CXCL13: variants seen among roughly 807,000 people sequenced by gnomAD.
The protein encoded by CXCL13 is C-X-C motif chemokine ligand 13.
CXCL13 carries 7 observed loss-of-function variants against 12.2 expected under a neutral mutation model. The observed-to-expected ratio is 0.57, with a 90% CI of 0.33 to 1.07. The LOEUF (loss-of-function observed/expected upper bound fraction) is 1.07, where lower values mean the gene tolerates loss of function less well. Among genes scored for constraint, CXCL13 ranks in the 50% least tolerant of loss-of-function variants. The probability of loss-of-function intolerance (pLI) is 0.04; values close to 1 mark genes in which losing one functional copy is unlikely to be tolerated. For missense variants in CXCL13, 113 were observed against 127.4 expected, an observed-to-expected ratio of 0.89 and a Z score of 0.55; for synonymous variants, 47 against 42.4, an observed-to-expected ratio of 1.11 and a Z score of -0.42.
At chr4:77,606,021 C>A in intron 1 of CXCL13, 92 bp downstream of exon 1, 1 of 833,186 alleles carries the variant, frequency 1.2e-6, no homozygotes, top group South Asian at 2.4e-5. Context: ...GCAGGGAAGT[C>A]TGACTAAAGG....
intron 1 of CXCL13, among the ~76,000 whole-genome samples, chr4:77,572,884 C>T (rs1303346130): frequency 6.6e-6 from 1 of 151,382 alleles, no homozygotes; most frequent in East Asian, 1.9e-4. Flanking sequence ...TAAATATACA[C>T]CATGGAATAC....
At chr4:77,580,308 CTT>C (rs1015001550) in intron 1 of CXCL13, among the ~76,000 whole-genome samples, 43 of 17,622 alleles carry the variant, frequency 2.4e-3, no homozygotes, top group African/African-American at 4.0e-3. Flanking sequence ...AGTTTTCTTT[CTT>C]TTTTTTTTTT....
At chr4:77,610,537 C>A (rs1727120352) in intron 2 of CXCL13, 77 bp from the exon 3 acceptor site, 3 of 1,172,660 alleles carry the variant, frequency 2.6e-6, no homozygotes, top group Admixed American at 1.9e-5. Flanking sequence ...ATTTTCATAC[C>A]AAACTCTTTT....
At chr4:77,543,128 A>G (rs377054344) in intron 1 of CXCL13, among the ~76,000 whole-genome samples, 1 of 152,140 alleles carries the variant, frequency 6.6e-6, no homozygotes, top group African/African-American at 2.4e-5. Flanking sequence ...CATTTCTTCC[A>G]TATTTTCTAG....
chr4:77,611,061 C>T lies in CXCL13; in HGVS notation c.*22C>T, dbSNP rs1481325846. ...CTGATGCTGATATTTCCACTAAGAA[C>T]ACCTGCATTCTTCCCTTATCCCTGC... On this transcript the variant is annotated 3_prime_UTR_variant, in exon 4 of 4. Transcript: ENST00000682537. 6.3e-7 allele frequency: 1 copy of T among 1,586,518 alleles called. No homozygotes were observed. The highest frequency in any genetic ancestry group is 2.2e-5 in the East Asian group (1 of 44,732).
At chr4:77,587,255 A>G (rs913498572) in intron 1 of CXCL13, among the ~76,000 whole-genome samples, 1 of 152,194 alleles carries the variant, frequency 6.6e-6, no homozygotes, top group African/African-American at 2.4e-5. Flanking sequence ...GAAGATCTCT[A>G]GTTTCATTTC....
chr4:77,555,297 C>T (rs938396364), intron 1 of CXCL13, among the ~76,000 whole-genome samples: 1 of 151,878 alleles, frequency 6.6e-6, no homozygotes, highest in Non-Finnish European at 1.5e-5. Flanking sequence ...AATTGAATAA[C>T]TTAGAGGAAA....
At chr4:77,515,528 T>G (rs1724392924) in intron 1 of CXCL13, among the ~76,000 whole-genome samples, 2 of 152,340 alleles carry the variant, frequency 1.3e-5, no homozygotes, top group Non-Finnish European at 2.9e-5. Context: ...TTCACATCCC[T>G]TATAAGGTGG....
Position 77,531,024 on chromosome 4 carries a change from C to T in CXCL13, c.-43+19236C>T, listed in dbSNP as rs565593257. Reference sequence around the variant, plus strand: ...AACATCCTTATTTCTGCCTTCATTTCGTTATGTACCCAGTAGTCATTCAGG... The same window carrying T: ...AACATCCTTATTTCTGCCTTCATTTTGTTATGTACCCAGTAGTCATTCAGG... On this transcript the variant is annotated intron_variant, in intron 1 of 4. Coordinates refer to the CXCL13 transcript ENST00000286758. Among the ~76,000 whole-genome samples the T allele has an allele frequency of 1.6e-4, 24 of 151,402 alleles. No individual in the cohort carries two copies. In the South Asian group the frequency reaches 4.4e-3, roughly 28 times the overall value.
At chr4:77,582,324 G>A (rs1468435460) in intron 1 of CXCL13, among the ~76,000 whole-genome samples, 1 of 152,064 alleles carries the variant, frequency 6.6e-6, no homozygotes, top group African/African-American at 2.4e-5. Context: ...TTACTAACTG[G>A]GCAGCACTCC....
chr4:77,609,269 T>C (rs1327463644), intron 2 of CXCL13, among the ~76,000 whole-genome samples: 1 of 152,004 alleles, frequency 6.6e-6, no homozygotes, highest in Non-Finnish European at 1.5e-5. Context: ...TTTGGGGTTT[T>C]TGTGGTTTGT....
chr4:77,528,597 C>T (rs369848392), intron 1 of CXCL13, among the ~76,000 whole-genome samples: 1 of 152,232 alleles, frequency 6.6e-6, no homozygotes, highest in Non-Finnish European at 1.5e-5. Context: ...TGTCTGTTCA[C>T]ATCCTTCGCC....
intron 1 of CXCL13, among the ~76,000 whole-genome samples, chr4:77,536,921 A>T (rs1156412996): frequency 6.6e-6 from 1 of 152,180 alleles, no homozygotes; most frequent in Non-Finnish European, 1.5e-5. Context: ...TTGAGTTCTC[A>T]TGAACCAGTG....
At chr4:77,545,747 C>G (rs1275238322) in intron 1 of CXCL13, among the ~76,000 whole-genome samples, 1 of 152,138 alleles carries the variant, frequency 6.6e-6, no homozygotes, top group Non-Finnish European at 1.5e-5. Flanking sequence ...ATTTCTTTCT[C>G]CTGCCTGATT....
At chr4:77,598,515 G>A (rs1474771768) in intron 1 of CXCL13, among the ~76,000 whole-genome samples, 2 of 152,232 alleles carry the variant, frequency 1.3e-5, no homozygotes, top group African/African-American at 2.4e-5. Context: ...AGCTGGAAGA[G>A]AGAAGAGCTT....
intron 1 of CXCL13, among the ~76,000 whole-genome samples, chr4:77,552,177 G>C (rs577269746): frequency 1.3e-5 from 2 of 152,172 alleles, no homozygotes; most frequent in Admixed American, 6.5e-5. Flanking sequence ...CAGAATTCTT[G>C]TGTCAGTTCC....
At chr4:77,537,050 A>G (rs1326991403) in intron 1 of CXCL13, among the ~76,000 whole-genome samples, 2 of 152,236 alleles carry the variant, frequency 1.3e-5, no homozygotes, top group Non-Finnish European at 2.9e-5. Context: ...CTCTAGATAA[A>G]TACTATTAGT....
At chr4:77,547,694 CA>C (rs1725404431) in intron 1 of CXCL13, among the ~76,000 whole-genome samples, 1 of 152,048 alleles carries the variant, frequency 6.6e-6, no homozygotes, top group African/African-American at 2.4e-5. Context: ...TCCAATTTGC[CA>C]GTCTGTGTGT....
chr4:77,547,453 T>C (rs574899169), intron 1 of CXCL13, among the ~76,000 whole-genome samples: 17 of 152,346 alleles, frequency 1.1e-4, no homozygotes, highest in Non-Finnish European at 2.2e-4. Context: ...TAGTTAGCTC[T>C]TCTTGTTGAA....
Sources: gnomAD v4.1 joint callset for allele counts (sites outside exome capture counted in the v4.1 genomes callset) on GRCh38, gnomAD v4.1.1 for gene constraint, MANE v1.5 for transcripts, NCBI Gene and HGNC (gene_info 2026-07-23, HGNC 2026-07-21) for gene names.